The following DNAJC5 variants were observed in gnomAD, a reference collection of about 807,000 sequenced individuals.
DNAJC5 encodes dnaJ homolog subfamily C member 5.
DNAJC5 carries 1 observed loss-of-function variant against 23.2 expected under a neutral mutation model. That is an observed-to-expected ratio of 0.04 (90% CI 0.02 to 0.20). DNAJC5 has a LOEUF of 0.20. DNAJC5 is among the 10% of genes least tolerant of loss of function. DNAJC5 has a pLI of 1.00. For missense variants in DNAJC5, 180 were observed against 267.0 expected, an observed-to-expected ratio of 0.67 and a Z score of 2.27; for synonymous variants, 136 against 120.0, an observed-to-expected ratio of 1.13 and a Z score of -0.87.
rs1210187835 is a variant in DNAJC5, at chr20:63,920,862, A to C, written c.-11-7473A>C. Reference sequence around the variant, plus strand: ...CCAGTTAATTTTGTATTTTTAGTAGAGACAGGTTTTCTCCATGTTGGTCAG... The same window carrying C: ...CCAGTTAATTTTGTATTTTTAGTAGCGACAGGTTTTCTCCATGTTGGTCAG... On this transcript the variant is annotated intron_variant, in intron 1 of 4. Transcript: ENST00000360864. The surrounding 1 kb of genome is among the most constrained non-coding windows in gnomAD (Gnocchi z 4.6). Among the ~76,000 whole-genome samples the C allele has an allele frequency of 1.3e-5, 2 of 151,910 alleles. No homozygotes were observed. The highest frequency in any genetic ancestry group is 2.9e-5 in the Non-Finnish European group (2 of 67,996).
intron 1 of DNAJC5, among the ~76,000 whole-genome samples, chr20:63,905,909 A>G (rs2053445801): frequency 6.6e-6 from 1 of 151,002 alleles, no homozygotes; most frequent in Non-Finnish European, 1.5e-5. Flanking sequence ...TAATTTTTAT[A>G]TTTTTAGTAG....
At chr20:63,926,249 T>G (rs2053615468) in intron 1 of DNAJC5, among the ~76,000 whole-genome samples, 1 of 152,242 alleles carries the variant, frequency 6.6e-6, no homozygotes, top group Non-Finnish European at 1.5e-5. Flanking sequence ...TTCATCTAAT[T>G]TTTCTAATTT....
chr20:63,897,192 C>A (rs761631800), intron 1 of DNAJC5, among the ~76,000 whole-genome samples: 19 of 151,970 alleles, frequency 1.3e-4, no homozygotes, highest in Non-Finnish European at 2.5e-4. Flanking sequence ...GTCAGGAGTT[C>A]GAGACTAGCC....
chr20:63,929,396 C>T lies in DNAJC5; in HGVS notation c.192C>T (p.His64=), dbSNP rs1351269667. The change falls in exon 3 of 5, where the codon CAC becomes CAT. Residue 64 remains histidine, a synonymous_variant. Coordinates refer to ENST00000360864, the MANE Select transcript of DNAJC5 (RefSeq NM_025219.3). This position sits in a 1 kb window ranked among gnomAD's most constrained non-coding sequence, Gnocchi z 8.6. ...AGTTTAAGGAGATCAACAACGCGCA[C>T]GCCATCCTCACGGACGCCACAAAAA... The part of the protein sequence containing the change: ...ADKFKEINNA[H]AILTDATKRN... The T allele has an allele frequency of 6.2e-6, 10 of 1,614,040 alleles. No individual in the cohort carries two copies. The highest frequency in any genetic ancestry group is 4.2e-6 in the Non-Finnish European group (5 of 1,180,050).
intron 1 of DNAJC5, among the ~76,000 whole-genome samples, chr20:63,917,527 A>ATTTTTTAAGCAGTTTTGATAGGTGTG: frequency 6.6e-6 from 1 of 151,580 alleles, no homozygotes; most frequent in Non-Finnish European, 1.5e-5. Context: ...TTCTGGGATT[A>ATTTTTTAAGCAGTTTTGATAGGTGTG]TAGGCATGAG....
rs2053651852 is a variant in DNAJC5 at position 63,929,907 on chromosome 20, T to C, written c.321+382T>C. Among the ~76,000 whole-genome samples the C allele has an allele frequency of 6.6e-6, 1 of 152,176 alleles. No homozygotes were observed. Among genetic ancestry groups the C allele is most frequent in the Non-Finnish European group, 1.5e-5 (1 of 68,028 alleles). On this transcript the variant is annotated intron_variant, in intron 3 of 4. Transcript: ENST00000360864. The surrounding 1 kb of genome is among the most constrained non-coding windows in gnomAD (Gnocchi z 8.6). Reference sequence around the variant, plus strand: ...TGATGGGCGAAGCTCTGTCACTGGCTTGGTGTCCTGCCTGGAACAAGCCAT... The same window carrying C: ...TGATGGGCGAAGCTCTGTCACTGGCCTGGTGTCCTGCCTGGAACAAGCCAT...
chr20:63,929,257 G>C lies in DNAJC5; in HGVS notation c.108-55G>C, dbSNP rs564852881. The C allele has an allele frequency of 6.4e-7, 1 of 1,569,564 alleles. No homozygotes were observed. The highest frequency in any genetic ancestry group is 1.4e-5 in the African/African-American group (1 of 73,522). On this transcript the variant is annotated intron_variant, in intron 2 of 4. Transcript: ENST00000360864. The surrounding 1 kb of genome is among the most constrained non-coding windows in gnomAD (Gnocchi z 8.6). ...GTGCGGGTGGGATGGACGCGGCGGC[G>C]GGTGCGGGTGGAACAAAGTCCAGGG...
rs2053647999 is a variant in DNAJC5 at position 63,929,667 on chromosome 20, TCTCCTGCCGTGCGGGCACCCGAGTCA to T, written c.321+159_321+184del. ...CTCCTGCCGTGCGGGCACCCGAGTC[TCTCCTGCCGTGCGGGCACCCGAGTCA>T]CTCCTGCCGTGCGGGCGCCCGAGTC... On this transcript the variant is annotated intron_variant, in intron 3 of 4. Coordinates refer to ENST00000360864, the MANE Select transcript of DNAJC5 (RefSeq NM_025219.3). This position sits in a 1 kb window ranked among gnomAD's most constrained non-coding sequence, Gnocchi z 8.6. The T allele has an allele frequency of 1.0e-5, 5 of 498,714 alleles. No homozygotes were observed. The highest frequency in any genetic ancestry group is 1.4e-4 in the East Asian group (1 of 6,998). 30.9% of individuals were successfully genotyped at this position (498,714 alleles called of 1,614,324 possible). A position where few individuals can be genotyped will look rare whatever the true frequency, so the allele number is the denominator to read the frequency against.
chr20:63,920,653 T>G lies in DNAJC5; in HGVS notation c.-11-7682T>G, dbSNP rs1480316768. Among the ~76,000 whole-genome samples, 1 of 152,234 alleles carries G rather than the reference T, an allele frequency of 6.6e-6. No homozygotes were observed. The highest frequency in any genetic ancestry group is 1.5e-5 in the Non-Finnish European group (1 of 68,046). ...TGGATTTGTAAAACGTGACCCTTTT[T>G]GTTTGCTTTTAATTTTTAATTTTTA... On this transcript the variant is annotated intron_variant, in intron 1 of 4. Coordinates refer to ENST00000360864, the MANE Select transcript of DNAJC5 (RefSeq NM_025219.3). The surrounding 1 kb of genome is among the most constrained non-coding windows in gnomAD (Gnocchi z 4.6).
At chr20:63,924,802 TTTCTTCTCG>T (rs1443438313) in intron 1 of DNAJC5, among the ~76,000 whole-genome samples, 2 of 152,206 alleles carry the variant, frequency 1.3e-5, no homozygotes, top group Non-Finnish European at 2.9e-5. Flanking sequence ...ACTTAGGATT[TTTCTTCTCG>T]GTCACTTTGC....
At chr20:63,895,403 C>T (rs924733226) in intron 1 of DNAJC5, 80 bp downstream of exon 1, 1 of 124,090 alleles carries the variant, frequency 8.1e-6, no homozygotes, top group African/African-American at 2.9e-5. Context: ...GGGTGGGGGG[C>T]GGGGGCGGCA....
intron 1 of DNAJC5, chr20:63,908,935 C>CT (rs1484091928): frequency 6.6e-6 from 1 of 150,402 alleles, no homozygotes; most frequent in African/African-American, 2.5e-5. Flanking sequence ...CCCCCCATCT[C>CT]TATTAAAAAT....
chr20:63,904,022 G>A (rs2053431517), intron 1 of DNAJC5, among the ~76,000 whole-genome samples: 1 of 152,142 alleles, frequency 6.6e-6, no homozygotes, highest in Non-Finnish European at 1.5e-5. Flanking sequence ...CCTGGAGCCT[G>A]GGAAGCGGAG....
At chr20:63,904,840 G>C (rs2053436592) in intron 1 of DNAJC5, among the ~76,000 whole-genome samples, 2 of 152,166 alleles carry the variant, frequency 1.3e-5, no homozygotes, top group Admixed American at 1.3e-4. Flanking sequence ...TCTCGCTGTT[G>C]TACCCCAGGC....
At chr20:63,907,150 T>C (rs1181026857) in intron 1 of DNAJC5, among the ~76,000 whole-genome samples, 1 of 152,176 alleles carries the variant, frequency 6.6e-6, no homozygotes. Flanking sequence ...CAGAAAAGGC[T>C]TGATGTACAA....
rs1366227178 is a variant in DNAJC5, at chr20:63,929,180, C to T, written c.108-132C>T. 11 of 1,064,466 alleles carry T rather than the reference C, an allele frequency of 1.0e-5. No homozygotes were observed. Among genetic ancestry groups the T allele is most frequent in the Admixed American group, 4.0e-5 (2 of 50,120 alleles). 65.9% of individuals were successfully genotyped at this position (1,064,466 alleles called of 1,614,324 possible). A position where few individuals can be genotyped will look rare whatever the true frequency, so the allele number is the denominator to read the frequency against. On this transcript the variant is annotated intron_variant, in intron 2 of 4. Transcript: ENST00000360864. The surrounding 1 kb of genome is among the most constrained non-coding windows in gnomAD (Gnocchi z 8.6). Reference sequence around the variant, plus strand: ...CCTGGCCCCTGCAGCCCTGGAGAGTCGGACAGTGAGGTGGCCTGGGTGGAC... The same window carrying T: ...CCTGGCCCCTGCAGCCCTGGAGAGTTGGACAGTGAGGTGGCCTGGGTGGAC...
At position 63,932,121 on chromosome 20, in the gene DNAJC5, G is replaced by A. The variant is rs141876407; in HGVS notation, c.*553G>A. ...AGAGGCGGGGCCGCGTCCTCCTGGC[G>A]TCACCGGCGTCACTGTCATTCCTTG... is the stretch of plus-strand genomic sequence containing the variant. On this transcript the variant is annotated 3_prime_UTR_variant, in exon 5 of 5. Coordinates refer to ENST00000360864, the MANE Select transcript of DNAJC5 (RefSeq NM_025219.3). The surrounding 1 kb of genome is among the most constrained non-coding windows in gnomAD (Gnocchi z 4.4). 1.5e-4 allele frequency: 28 copies of A among 185,612 alleles called. No homozygotes were observed. The East Asian group carries it at 2.5e-3, about 17-fold the overall frequency. 11.5% of individuals were successfully genotyped at this position (185,612 alleles called of 1,614,324 possible).
At chr20:63,908,445 C>T (rs1409706052) in intron 1 of DNAJC5, among the ~76,000 whole-genome samples, 1 of 152,184 alleles carries the variant, frequency 6.6e-6, no homozygotes, top group African/African-American at 2.4e-5. Context: ...GTGGTCTGCT[C>T]AGTGGAAGCA....
chr20:63,905,288 G>A (rs918355784), intron 1 of DNAJC5, among the ~76,000 whole-genome samples: 1 of 150,010 alleles, frequency 6.7e-6, no homozygotes, highest in African/African-American at 2.5e-5. Context: ...GCTAATTTTT[G>A]TATTTTTACT....
Sources: allele counts gnomAD v4.1 joint callset (sites outside exome capture counted in the v4.1 genomes callset), GRCh38; gene constraint gnomAD v4.1.1; non-coding constraint Gnocchi (gnomAD v3.1); transcripts MANE v1.5; gene names NCBI Gene and HGNC (gene_info 2026-07-23, HGNC 2026-07-21).